Variants in KBTBD12 observed in about 807,000 individuals in gnomAD.
KBTBD12 encodes the protein kelch repeat and BTB domain containing 12, also known as kelch repeat and BTB domain-containing protein 12.
KBTBD12 carries 53 observed loss-of-function variants against 58.7 expected under a neutral mutation model. That is an observed-to-expected ratio of 0.90 (90% CI 0.72 to 1.14). The LOEUF is 1.14. Among genes scored for constraint, KBTBD12 ranks in the 50% most tolerant of loss-of-function variants. The pLI, the probability that KBTBD12 is intolerant of heterozygous loss-of-function variation, is 0.00. For missense variants in KBTBD12, 704 were observed against 751.3 expected (o/e 0.94, Z 0.74); for synonymous variants, 236 against 259.8 (o/e 0.91, Z 0.88).
rs775379375 is a variant in KBTBD12 at position 127,984,133 on chromosome 3, T to TG, written c.1729dup (p.Asp577GlyfsTer18). The TG allele has an allele frequency of 6.2e-7, 1 of 1,614,002 alleles. No homozygotes were observed. Among genetic ancestry groups the TG allele is most frequent in the South Asian group, 1.1e-5 (1 of 91,088 alleles). On this transcript the variant is annotated frameshift_variant, in exon 6 of 6. Coordinates refer to ENST00000405109, the MANE Select transcript of KBTBD12 (RefSeq NM_207335.4). LOFTEE classifies it high-confidence loss of function. ...GTTATCTCCAAAGAAATATTGGAACTGGACCCATGGGAAAACCAGTGGAAT... is the reference window on the plus strand; with the variant it reads ...GTTATCTCCAAAGAAATATTGGAACTGGGACCCATGGGAAAACCAGTGGAAT...
chr3:127,977,352 A>G (rs576779748), intron 5 of KBTBD12, among the ~76,000 whole-genome samples: 4 of 152,348 alleles, frequency 2.6e-5, no homozygotes, highest in African/African-American at 7.2e-5. Flanking sequence ...TGTATCCCCA[A>G]TAATGGAATT....
At chr3:127,949,913 T>G (rs865973100) in intron 4 of KBTBD12, among the ~76,000 whole-genome samples, 24 of 152,184 alleles carry the variant, frequency 1.6e-4, no homozygotes, top group East Asian at 1.9e-4. Flanking sequence ...TTAGCTAATT[T>G]TGACCTCTGA....
At chr3:127,944,936 C>T (rs1054755523) in intron 4 of KBTBD12, among the ~76,000 whole-genome samples, 5 of 151,370 alleles carry the variant, frequency 3.3e-5, no homozygotes, top group African/African-American at 7.3e-5. Context: ...GGCTAGAGTC[C>T]GTGGCACAAT....
chr3:127,925,369 C>A (rs996683612), intron 2 of KBTBD12, among the ~76,000 whole-genome samples: 2 of 152,164 alleles, frequency 1.3e-5, no homozygotes, highest in Non-Finnish European at 2.9e-5. Flanking sequence ...GTCCATGCCA[C>A]CAGTTTTACA....
intron 1 of KBTBD12, among the ~76,000 whole-genome samples, chr3:127,916,753 A>C (rs1939253101): frequency 6.6e-6 from 1 of 152,074 alleles, no homozygotes; most frequent in Non-Finnish European, 1.5e-5. Flanking sequence ...CTCAGGCGTA[A>C]GTGAAGCCAA....
At chr3:127,929,602 A>C (rs942449853) in intron 3 of KBTBD12, among the ~76,000 whole-genome samples, 1 of 152,206 alleles carries the variant, frequency 6.6e-6, no homozygotes, top group Non-Finnish European at 1.5e-5. Context: ...ATAAATCTTG[A>C]AAATTGAATT....
intron 4 of KBTBD12, 73 bp from the exon 5 acceptor site, chr3:127,963,116 T>C (rs988549441): frequency 2.9e-5 from 38 of 1,294,424 alleles, no homozygotes; most frequent in Non-Finnish European, 3.7e-5. Context: ...ATACAAACCA[T>C]GCAGGGGGCA....
intron 3 of KBTBD12, among the ~76,000 whole-genome samples, chr3:127,929,007 G>T (rs1371593144): frequency 6.6e-6 from 1 of 152,100 alleles, no homozygotes; most frequent in Admixed American, 6.6e-5. Context: ...CAGATTATTT[G>T]TAATTAAACT....
chr3:127,982,643 A>T (rs542254669), intron 5 of KBTBD12, among the ~76,000 whole-genome samples: 1 of 152,294 alleles, frequency 6.6e-6, no homozygotes, highest in African/African-American at 2.4e-5. Context: ...TGACTTTCAC[A>T]TAAAAAGATA....
At chr3:127,935,237 C>T (rs1338175654) in intron 4 of KBTBD12, among the ~76,000 whole-genome samples, 1 of 151,914 alleles carries the variant, frequency 6.6e-6, no homozygotes, top group African/African-American at 2.4e-5. Context: ...AGTTGGGGAC[C>T]ATCTGTAAAG....
At chr3:127,927,272 A>G (rs1182722433) in intron 2 of KBTBD12, among the ~76,000 whole-genome samples, 1 of 152,174 alleles carries the variant, frequency 6.6e-6, no homozygotes, top group African/African-American at 2.4e-5. Flanking sequence ...AAAATTCTAC[A>G]TATTCTAAAT....
intron 5 of KBTBD12, among the ~76,000 whole-genome samples, chr3:127,967,484 T>C (rs1189834760): frequency 6.6e-6 from 1 of 151,932 alleles, no homozygotes; most frequent in African/African-American, 2.4e-5. Context: ...GTAGATAGGG[T>C]AGGAATGTGA....
At chr3:127,964,640 CA>C (rs34230294) in intron 5 of KBTBD12, among the ~76,000 whole-genome samples, 63,999 of 110,910 alleles carry the variant, frequency 0.58, 15,651 homozygotes, top group African/African-American at 0.67. Context: ...GACTCCATCT[CA>C]AAAAAAAAAA....
In KBTBD12 at chr3:127,923,899, A is replaced by T. The variant is rs763052821; in HGVS notation, c.838A>T (p.Ile280Phe). 6.2e-7 allele frequency: 1 copy of T among 1,613,908 alleles called. No homozygotes were observed. The highest frequency in any genetic ancestry group is 8.5e-7 in the Non-Finnish European group (1 of 1,179,820). The change falls in exon 2 of 6, where the codon ATT (isoleucine) becomes TTT (phenylalanine). Residue 280 changes from isoleucine (I) to phenylalanine (F), a missense_variant. Transcript: ENST00000405109. ...GGAGACTACCAGTCTTCTGCTTTGCATTGGCAACAATTCTTCAGGAATCAG... is the reference window on the plus strand; with the variant it reads ...GGAGACTACCAGTCTTCTGCTTTGCTTTGGCAACAATTCTTCAGGAATCAG... ...GMETTSLLLCIGNNSSGIRSR... is the reference protein window; with the variant it reads ...GMETTSLLLCFGNNSSGIRSR...
intron 4 of KBTBD12, among the ~76,000 whole-genome samples, chr3:127,944,465 T>C (rs1416377412): frequency 6.6e-6 from 1 of 152,242 alleles, no homozygotes; most frequent in Non-Finnish European, 1.5e-5. Flanking sequence ...GATTTCTCTA[T>C]TTCCTTGTCA....
chr3:127,960,473 A>C (rs1284339661), intron 4 of KBTBD12, among the ~76,000 whole-genome samples: 1 of 152,190 alleles, frequency 6.6e-6, no homozygotes, highest in Non-Finnish European at 1.5e-5. Context: ...TCATGCTCAG[A>C]GGTTCGTATA....
chr3:127,927,931 G>C lies in KBTBD12; in HGVS notation c.1238G>C (p.Arg413Pro), dbSNP rs568053386. The C allele has an allele frequency of 3.3e-5, 54 of 1,613,342 alleles. No homozygotes were observed. The South Asian group carries it at 5.3e-4, about 16-fold the overall frequency. ...TNCVDKYSVE[R>P]DNWKRVSPLP... The stretch of plus-strand genomic sequence containing the variant: ...TGTGTTGATAAGTACTCTGTAGAAC[G>C]GGACAATTGGAAAAGGGTGTCTCCC... Residue 413 changes from arginine (R) to proline (P), a missense_variant, in exon 3 of 6, where the codon CGG becomes CCG. Arg to Pro is a moderately radical substitution (Grantham distance 103, BLOSUM62 -2). Coordinates refer to ENST00000405109, the MANE Select transcript of KBTBD12 (RefSeq NM_207335.4).
chr3:127,982,666 T>C (rs2107618879), intron 5 of KBTBD12, among the ~76,000 whole-genome samples: 1 of 152,220 alleles, frequency 6.6e-6, no homozygotes, highest in East Asian at 1.9e-4. Context: ...AAATGCAGGG[T>C]ATTTGCCCTC....
At chr3:127,945,587 AT>A (rs1320467067) in intron 4 of KBTBD12, among the ~76,000 whole-genome samples, 11 of 150,240 alleles carry the variant, frequency 7.3e-5, no homozygotes, top group African/African-American at 2.2e-4. Flanking sequence ...GGTTATTTGT[AT>A]TTATTTTGAG....
Sources: allele counts gnomAD v4.1 joint callset (sites outside exome capture counted in the v4.1 genomes callset), GRCh38; gene constraint gnomAD v4.1.1; transcripts MANE v1.5; gene names NCBI Gene and HGNC (gene_info 2026-07-23, HGNC 2026-07-21).